Variants in ALPK2 observed in about 807,000 individuals in gnomAD.
The protein encoded by ALPK2 is alpha kinase 2, also known as alpha-protein kinase 2.
ALPK2 carries 127 observed loss-of-function variants against 163.1 expected under a neutral mutation model. The ratio of observed to expected loss-of-function variants is 0.78; its 90% confidence interval spans 0.67 to 0.90. The LOEUF is 0.90. ALPK2 is among the 40% of genes least tolerant of loss of function. The probability of loss-of-function intolerance (pLI) is 0.00; values close to 1 mark genes in which losing one functional copy is unlikely to be tolerated. For missense variants in ALPK2, 2,360 were observed against 2,589.6 expected, an observed-to-expected ratio of 0.91 and a Z score of 1.92; for synonymous variants, 953 against 959.1, an observed-to-expected ratio of 0.99 and a Z score of 0.12.
intron 11 of ALPK2, among the ~76,000 whole-genome samples, chr18:58,500,403 C>A (rs1414064332): frequency 6.6e-6 from 1 of 152,158 alleles, no homozygotes; most frequent in Non-Finnish European, 1.5e-5. Context: ...TCCCTTGTTT[C>A]CCACAATTAC....
At chr18:58,502,032 G>A (rs1424254126) in intron 11 of ALPK2, among the ~76,000 whole-genome samples, 2 of 151,854 alleles carry the variant, frequency 1.3e-5, no homozygotes, top group African/African-American at 4.8e-5. Context: ...GGGGCACAGT[G>A]GCTCATACCT....
intron 4 of ALPK2, among the ~76,000 whole-genome samples, chr18:58,552,016 A>C (rs1458071998): frequency 6.6e-6 from 1 of 152,216 alleles, no homozygotes; most frequent in Non-Finnish European, 1.5e-5. Flanking sequence ...AATGGTTCTC[A>C]TGATGGTTAT....
intron 11 of ALPK2, among the ~76,000 whole-genome samples, chr18:58,502,972 C>T (rs529266516): frequency 1.3e-5 from 2 of 152,188 alleles, no homozygotes; most frequent in South Asian, 2.1e-4. Flanking sequence ...CCAGCGCCCA[C>T]GGCAGTCACT....
intron 3 of ALPK2, among the ~76,000 whole-genome samples, chr18:58,582,565 G>GAAA (rs35678950): frequency 6.6e-4 from 89 of 134,862 alleles, no homozygotes; most frequent in East Asian, 4.4e-3. Flanking sequence ...GATTGTTGGC[G>GAAA]AAAAAAAAAA....
At chr18:58,484,938 GA>G (rs942683597) in intron 12 of ALPK2, among the ~76,000 whole-genome samples, 67 of 152,304 alleles carry the variant, frequency 4.4e-4, no homozygotes, top group African/African-American at 1.5e-3. Context: ...CTTTGAAGCT[GA>G]GAGTCAAAGC....
chr18:58,523,942 T>C lies in ALPK2; in HGVS notation c.5622A>G (p.Thr1874=). The C allele has an allele frequency of 3.7e-6, 6 of 1,614,210 alleles. No homozygotes were observed. Among genetic ancestry groups the C allele is most frequent in the Non-Finnish European group, 5.1e-6 (6 of 1,180,022 alleles). The change falls in exon 7 of 13, where the codon ACA becomes ACG. Residue 1874 remains threonine, a synonymous_variant. Coordinates refer to ENST00000361673, the MANE Select transcript of ALPK2 (RefSeq NM_052947.4). ...YGKVTAEFNL[T]AEVLKQLSSR... The stretch of plus-strand genomic sequence containing the variant: ...TTGAAAACTGTGGTTTACCTTCAGC[T>C]GTGAGGTTAAATTCAGCAGTCACTT...
At position 58,607,556 on chromosome 18, in the gene ALPK2, A is replaced by G. The variant is rs112089862; in HGVS notation, c.110-117T>C. 2.6e-5 allele frequency: 16 copies of G among 625,236 alleles called. 1 individual carries two copies. Among genetic ancestry groups the G allele is most frequent in the Middle Eastern group, 2.6e-4 (1 of 3,786 alleles). 38.7% of individuals were successfully genotyped at this position (625,236 alleles called of 1,614,324 possible). On this transcript the variant is annotated intron_variant, in intron 2 of 12. Transcript: ENST00000361673. ...TAAGCAACAGGGATGAGGATGATGG[A>G]TTACGTTAGGTGAGGAATTGAAAAG...
At chr18:58,595,229 T>G (rs1352375670) in intron 3 of ALPK2, among the ~76,000 whole-genome samples, 1 of 152,138 alleles carries the variant, frequency 6.6e-6, no homozygotes, top group Non-Finnish European at 1.5e-5. Context: ...TCGTGCTGCT[T>G]TATCTTTTTT....
At chr18:58,573,190 A>G (rs538155355) in intron 4 of ALPK2, among the ~76,000 whole-genome samples, 20 of 149,468 alleles carry the variant, frequency 1.3e-4, no homozygotes, top group Admixed American at 4.0e-4. Flanking sequence ...ATATATGTAT[A>G]TGTGTATATA....
chr18:58,618,956 G>A (rs1602242704), intron 1 of ALPK2, among the ~76,000 whole-genome samples: 1 of 152,224 alleles, frequency 6.6e-6, no homozygotes, highest in Admixed American at 6.5e-5. Context: ...CCAGCAGTCA[G>A]GGCGCCTACT....
intron 4 of ALPK2, among the ~76,000 whole-genome samples, chr18:58,577,207 G>A (rs144958047): frequency 5.9e-4 from 90 of 152,338 alleles, no homozygotes; most frequent in African/African-American, 1.8e-3. Flanking sequence ...CACAAGCTGA[G>A]GATGACAGAG....
intron 10 of ALPK2, among the ~76,000 whole-genome samples, chr18:58,505,523 C>T (rs1370105783): frequency 6.6e-6 from 1 of 152,148 alleles, no homozygotes; most frequent in Non-Finnish European, 1.5e-5. Context: ...CCGCCCCTCT[C>T]AAGTCCTCCA....
intron 4 of ALPK2, among the ~76,000 whole-genome samples, chr18:58,559,926 TG>T (rs2051817113): frequency 6.6e-6 from 1 of 152,228 alleles, no homozygotes; most frequent in Admixed American, 6.5e-5. Flanking sequence ...ACAAATTTAG[TG>T]GCTCAGAACA....
chr18:58,536,253 C>G lies in ALPK2; in HGVS notation c.3934G>C (p.Glu1312Gln), dbSNP rs193279444. 2 of 1,614,212 alleles carry G rather than the reference C, an allele frequency of 1.2e-6. No individual in the cohort carries two copies. Among genetic ancestry groups the G allele is most frequent in the East Asian group, 4.5e-5 (2 of 44,890 alleles). The part of the protein sequence containing the change: ...DAESALADSR[E>Q]SHKGEEPTIS... ...GTGGGCTCTTCGCCTTTATGGCTTT[C>G]TCTGCTATCAGCAAGGGCTGACTCA... The change falls in exon 5 of 13, where the codon GAA becomes CAA. Residue 1312 changes from glutamate (E) to glutamine (Q), a missense_variant. Physicochemically the swap from Glu to Gln is conservative, Grantham distance 29. Coordinates refer to ENST00000361673, the MANE Select transcript of ALPK2 (RefSeq NM_052947.4).
In ALPK2 at chr18:58,543,499, G is replaced by A. The variant is rs116855000; in HGVS notation, c.1963-5275C>T. On this transcript the variant is annotated intron_variant, in intron 4 of 12. Coordinates refer to ENST00000361673, the MANE Select transcript of ALPK2 (RefSeq NM_052947.4). ...TCCAAAGAGAGAGGGCAGCAGAAAG[G>A]GTATCACTACACTAAGGCTACAAGG... is the stretch of plus-strand genomic sequence containing the variant. 89 of 590,146 alleles carry A rather than the reference G, an allele frequency of 1.5e-4. 1 individual carries two copies. In the East Asian group the frequency reaches 0.011, roughly 75 times the overall value. 36.6% of individuals were successfully genotyped at this position (590,146 alleles called of 1,614,324 possible). A position where few individuals can be genotyped will look rare whatever the true frequency, so the allele number is the denominator to read the frequency against.
chr18:58,575,707 C>A (rs766345596), intron 4 of ALPK2, among the ~76,000 whole-genome samples: 2 of 152,170 alleles, frequency 1.3e-5, no homozygotes, highest in Admixed American at 6.5e-5. Flanking sequence ...GAAGATGATT[C>A]AAGTTAGCCT....
chr18:58,565,389 A>G (rs2051846415), intron 4 of ALPK2, among the ~76,000 whole-genome samples: 1 of 152,244 alleles, frequency 6.6e-6, no homozygotes, highest in African/African-American at 2.4e-5. Context: ...TCCTTATAAT[A>G]TCAGCTTGGT....
chr18:58,498,252 T>C (rs2144107246), intron 11 of ALPK2, among the ~76,000 whole-genome samples, 155 bp from the exon 12 acceptor site: 1 of 152,304 alleles, frequency 6.6e-6, no homozygotes, highest in South Asian at 2.1e-4. Flanking sequence ...CATCCAGCTT[T>C]AGGCAGGGAC....
chr18:58,573,304 G>GTA (rs1306572529), intron 4 of ALPK2, among the ~76,000 whole-genome samples: 5 of 56,934 alleles, frequency 8.8e-5, no homozygotes, highest in South Asian at 7.1e-4. Context: ...ATATATGTGT[G>GTA]TATATATATG....
Sources: gnomAD v4.1 joint callset for allele counts (sites outside exome capture counted in the v4.1 genomes callset) on GRCh38, gnomAD v4.1.1 for gene constraint, MANE v1.5 for transcripts, NCBI Gene and HGNC (gene_info 2026-07-23, HGNC 2026-07-21) for gene names.